MIPEP: variants seen among roughly 807,000 people sequenced by gnomAD.
MIPEP encodes mitochondrial intermediate peptidase.
A neutral mutation model predicts 90.3 loss-of-function variants in MIPEP; 79 were observed. The ratio of observed to expected loss-of-function variants is 0.87; its 90% CI spans 0.73 to 1.05. The LOEUF (loss-of-function observed/expected upper bound fraction) is 1.05. Among genes scored for constraint, MIPEP ranks in the 50% least tolerant of loss-of-function variants. The pLI is 0.00. For synonymous variants in MIPEP, 334 were observed against 315.8 expected (o/e 1.06, Z -0.61); for missense variants, 940 against 905.6 (o/e 1.04, Z -0.49).
At position 23,775,137 on chromosome 13, in the gene MIPEP, G is replaced by A. The variant is rs977861240; in HGVS notation, c.1849-14920C>T. On this transcript the variant is annotated intron_variant, in intron 16 of 18. Transcript: ENST00000382172. The stretch of plus-strand genomic sequence containing the variant: ...TGTGTGTGTGTGTGTGTGTGTGTGT[G>A]TGTGTGTGTGTGTGTGTGTATTCCT... 4.3e-4 allele frequency among the ~76,000 whole-genome samples: 64 copies of A among 150,522 alleles called. 1 individual carries two copies. The highest frequency in any genetic ancestry group is 1.2e-3 in the African/African-American group (49 of 41,126).
At chr13:23,868,198 T>G (rs1206020137) in intron 7 of MIPEP, among the ~76,000 whole-genome samples, 1 of 151,620 alleles carries the variant, frequency 6.6e-6, no homozygotes, top group Admixed American at 6.6e-5. Flanking sequence ...ATGAAAGAGG[T>G]GGGTTTTGAG....
At chr13:23,751,633 C>T (rs1952442209) in intron 18 of MIPEP, among the ~76,000 whole-genome samples, 1 of 152,138 alleles carries the variant, frequency 6.6e-6, no homozygotes, top group African/African-American at 2.4e-5. Flanking sequence ...GGACTTTATC[C>T]TTTCCCTTCC....
At chr13:23,862,387 T>C (rs762018655) in intron 8 of MIPEP, 25 bp from the exon 9 acceptor site, 3 of 1,373,932 alleles carry the variant, frequency 2.2e-6, no homozygotes, top group Non-Finnish European at 2.0e-6. Context: ...TATCATTACT[T>C]GTTAGGACAA....
At chr13:23,773,367 T>A (rs185985789) in intron 16 of MIPEP, among the ~76,000 whole-genome samples, 2 of 152,228 alleles carry the variant, frequency 1.3e-5, no homozygotes, top group Admixed American at 6.5e-5. Context: ...CAGTCATCTA[T>A]TGAGTGGTTT....
intron 14 of MIPEP, among the ~76,000 whole-genome samples, chr13:23,821,227 T>C (rs1044558147): frequency 6.6e-6 from 1 of 152,206 alleles, no homozygotes; most frequent in Non-Finnish European, 1.5e-5. Flanking sequence ...CAGAAACAGT[T>C]TTCTATAAAA....
At chr13:23,849,391 T>C (rs1566016687) in intron 10 of MIPEP, among the ~76,000 whole-genome samples, 1 of 152,218 alleles carries the variant, frequency 6.6e-6, no homozygotes, top group Non-Finnish European at 1.5e-5. Flanking sequence ...TCTACAGTTT[T>C]ACAAGAATTT....
chr13:23,805,704 T>C (rs978514653), intron 16 of MIPEP, among the ~76,000 whole-genome samples: 2 of 152,204 alleles, frequency 1.3e-5, no homozygotes, highest in African/African-American at 2.4e-5. Context: ...CCAACTCCAA[T>C]GGCCTTTTTA....
At chr13:23,853,378 G>T (rs559887640) in intron 10 of MIPEP, among the ~76,000 whole-genome samples, 3 of 151,998 alleles carry the variant, frequency 2.0e-5, no homozygotes, top group Non-Finnish European at 4.4e-5. Context: ...TCCATGTTTA[G>T]ATGCATATAT....
chr13:23,876,355 T>A (rs1307038283), intron 4 of MIPEP, among the ~76,000 whole-genome samples: 1 of 152,218 alleles, frequency 6.6e-6, no homozygotes, highest in African/African-American at 2.4e-5. Flanking sequence ...ATGATTCTTA[T>A]GAAGTACTTT....
intron 14 of MIPEP, among the ~76,000 whole-genome samples, chr13:23,826,342 G>A (rs1868451976): frequency 6.6e-6 from 1 of 152,084 alleles, no homozygotes; most frequent in African/African-American, 2.4e-5. Flanking sequence ...AGACTAGTAT[G>A]AAACCGCAGA....
intron 14 of MIPEP, among the ~76,000 whole-genome samples, chr13:23,819,770 A>T (rs1297624998): frequency 6.6e-6 from 1 of 152,154 alleles, no homozygotes; most frequent in African/African-American, 2.4e-5. Context: ...GCACTTTGGG[A>T]GGCCAAGGCC....
intron 16 of MIPEP, among the ~76,000 whole-genome samples, chr13:23,778,435 A>C (rs1365598136): frequency 6.6e-6 from 1 of 152,172 alleles, no homozygotes; most frequent in African/African-American, 2.4e-5. Context: ...TGGGGGCACG[A>C]ATCACCATAA....
At chr13:23,781,633 T>TGCTC (rs199905552) in intron 16 of MIPEP, among the ~76,000 whole-genome samples, 28,319 of 151,952 alleles carry the variant, frequency 0.19, 3,056 homozygotes, top group Non-Finnish European at 0.25. Flanking sequence ...ATGGGCTAAA[T>TGCTC]GCTCCAATTA....
chr13:23,769,543 T>C (rs1952628005), intron 16 of MIPEP, among the ~76,000 whole-genome samples: 1 of 152,136 alleles, frequency 6.6e-6, no homozygotes, highest in African/African-American at 2.4e-5. Context: ...ACCAACAGAT[T>C]GCACACAAGT....
At chr13:23,849,700 C>A (rs1177443799) in intron 10 of MIPEP, among the ~76,000 whole-genome samples, 1 of 152,210 alleles carries the variant, frequency 6.6e-6, no homozygotes, top group Non-Finnish European at 1.5e-5. Context: ...ATCTAATCTT[C>A]ATCCAACACT....
chr13:23,855,768 G>C (rs1341252811), intron 10 of MIPEP, among the ~76,000 whole-genome samples: 1 of 151,994 alleles, frequency 6.6e-6, no homozygotes, highest in Non-Finnish European at 1.5e-5. Context: ...CCCTTTTCCT[G>C]GTTCTTTTAC....
chr13:23,887,511 A>G (rs1461815060), intron 1 of MIPEP, among the ~76,000 whole-genome samples: 2 of 152,174 alleles, frequency 1.3e-5, no homozygotes, highest in African/African-American at 4.8e-5. Flanking sequence ...ACATCTGTAA[A>G]GCCCACACTT....
At chr13:23,799,222 C>G (rs1349685894) in intron 16 of MIPEP, among the ~76,000 whole-genome samples, 1 of 151,592 alleles carries the variant, frequency 6.6e-6, no homozygotes, top group Non-Finnish European at 1.5e-5. Flanking sequence ...GTTGCCCAGG[C>G]TGGTTTCGAA....
intron 14 of MIPEP, among the ~76,000 whole-genome samples, chr13:23,817,222 A>T (rs1953251124): frequency 6.6e-6 from 1 of 152,204 alleles, no homozygotes; most frequent in Non-Finnish European, 1.5e-5. Flanking sequence ...ATCAAACCAA[A>T]CCAAACCAAA....
Sources: gnomAD v4.1 joint callset for allele counts (sites outside exome capture counted in the v4.1 genomes callset) on GRCh38, gnomAD v4.1.1 for gene constraint, MANE v1.5 for transcripts, NCBI Gene and HGNC (gene_info 2026-07-23, HGNC 2026-07-21) for gene names.